The following ABCA9 variants were observed in gnomAD, a reference collection of about 807,000 sequenced individuals.
The protein encoded by ABCA9 is ATP binding cassette subfamily A member 9, also known as ATP-binding cassette sub-family A member 9.
A neutral mutation model predicts 205.3 loss-of-function variants in ABCA9; 183 were observed. The ratio of observed to expected loss-of-function variants is 0.89; its 90% CI spans 0.79 to 1.01. ABCA9 has a LOEUF of 1.01. Among genes scored for constraint, ABCA9 ranks in the 50% least tolerant of loss-of-function variants. The probability of loss-of-function intolerance (pLI) is 0.00; values close to 1 mark genes in which losing one functional copy is unlikely to be tolerated. For missense variants in ABCA9, 1,805 were observed against 1,912.4 expected, an observed-to-expected ratio of 0.94 and a Z score of 1.05; for synonymous variants, 651 against 683.3, an observed-to-expected ratio of 0.95 and a Z score of 0.74.
At chr17:68,991,477 C>T (rs1339452868) in intron 28 of ABCA9, among the ~76,000 whole-genome samples, 3 of 152,154 alleles carry the variant, frequency 2.0e-5, no homozygotes, top group Non-Finnish European at 4.4e-5. Context: ...CTGCTACAGA[C>T]TCGTTCTTGC....
intron 25 of ABCA9, among the ~76,000 whole-genome samples, chr17:68,996,331 A>G (rs888701187): frequency 6.6e-6 from 1 of 152,058 alleles, no homozygotes; most frequent in African/African-American, 2.4e-5. Context: ...TCTTTTTTTC[A>G]TTTCACAATA....
intron 37 of ABCA9, among the ~76,000 whole-genome samples, chr17:68,978,463 T>A (rs1273575026): frequency 2.0e-4 from 31 of 152,208 alleles, no homozygotes; most frequent in Admixed American, 2.0e-3. Flanking sequence ...ATTTAGCCCA[T>A]TTACATTTAA....
chr17:68,998,024 G>A (rs1454970643), intron 25 of ABCA9, among the ~76,000 whole-genome samples: 1 of 152,098 alleles, frequency 6.6e-6, no homozygotes, highest in East Asian at 1.9e-4. Context: ...TCATTTAGTT[G>A]TAATCATACA....
At chr17:68,998,860 T>C (rs1397561339) in intron 25 of ABCA9, among the ~76,000 whole-genome samples, 1 of 151,852 alleles carries the variant, frequency 6.6e-6, no homozygotes, top group Non-Finnish European at 1.5e-5. Context: ...AGATGTTTTA[T>C]CATTGTGACT....
At chr17:69,058,001 A>G (rs971515255) in intron 1 of ABCA9, among the ~76,000 whole-genome samples, 22 of 152,256 alleles carry the variant, frequency 1.4e-4, no homozygotes, top group African/African-American at 5.3e-4. Context: ...GGTGTCGTAT[A>G]TAAGGGAGAA....
intron 6 of ABCA9, among the ~76,000 whole-genome samples, chr17:69,040,445 A>G (rs543093829): frequency 9.2e-5 from 14 of 152,338 alleles, no homozygotes; most frequent in East Asian, 3.9e-4. Flanking sequence ...TCAGCAAACT[A>G]TCACAGGAAC....
intron 10 of ABCA9, among the ~76,000 whole-genome samples, chr17:69,030,104 A>G (rs976220848): frequency 6.6e-6 from 1 of 152,214 alleles, no homozygotes; most frequent in African/African-American, 2.4e-5. Context: ...GCCAGATCCA[A>G]AGCATTTTGT....
At chr17:69,058,902 C>T (rs1233771726) in intron 1 of ABCA9, among the ~76,000 whole-genome samples, 1 of 151,874 alleles carries the variant, frequency 6.6e-6, no homozygotes, top group Non-Finnish European at 1.5e-5. Context: ...AACTGACTCA[C>T]AGTTCTACAT....
rs541710062 is a variant in ABCA9, at chr17:69,036,597, C to T, written c.801-796G>A. ...AAACAAGCCAAAATATAAAGACCAA[C>T]GACACTATGAAGAAATTGCATCAAC... On this transcript the variant is annotated intron_variant, in intron 6 of 38. Transcript: ENST00000340001. Among the ~76,000 whole-genome samples, 57 of 151,980 alleles carry T rather than the reference C, an allele frequency of 3.8e-4. 1 individual carries two copies. The highest frequency in any genetic ancestry group is 2.7e-3 in the South Asian group (13 of 4,818).
At chr17:69,017,227 C>G (rs1453941058) in intron 21 of ABCA9, among the ~76,000 whole-genome samples, 2 of 151,954 alleles carry the variant, frequency 1.3e-5, no homozygotes, top group African/African-American at 2.4e-5. Flanking sequence ...TTCAATTTGC[C>G]TACTGTAGAG....
At chr17:68,986,409 T>C (rs945123875) in intron 31 of ABCA9, 85 bp from the exon 32 acceptor site, 3 of 1,304,574 alleles carry the variant, frequency 2.3e-6, no homozygotes, top group African/African-American at 1.5e-5. Context: ...AGAGATGCCC[T>C]TCTCTTCACA....
At chr17:68,993,274 G>A (rs1037019580) in intron 26 of ABCA9, among the ~76,000 whole-genome samples, 190 bp from the exon 27 acceptor site, 1 of 152,218 alleles carries the variant, frequency 6.6e-6, no homozygotes, top group African/African-American at 2.4e-5. Flanking sequence ...GTGTCTCTAG[G>A]CCGGGATGCC....
chr17:69,050,905 AAT>A (rs869088887), intron 2 of ABCA9, 124 bp downstream of exon 2: 53 of 759,176 alleles, frequency 7.0e-5, no homozygotes, highest in Non-Finnish European at 9.4e-5. Context: ...TTTGAAAAAA[AAT>A]CTAGCTTGTT....
At chr17:69,043,434 G>T in intron 6 of ABCA9, 55 bp downstream of exon 6, 1 of 1,419,204 alleles carries the variant, frequency 7.0e-7, no homozygotes, top group African/African-American at 1.4e-5. Context: ...GAGTCAACCA[G>T]CTAAGTTGTT....
At chr17:68,995,840 C>G in intron 26 of ABCA9, 55 bp downstream of exon 26, 1 of 1,601,808 alleles carries the variant, frequency 6.2e-7, no homozygotes, top group Non-Finnish European at 8.5e-7. Flanking sequence ...ATATTCATGG[C>G]TTTCTCAAAT....
At chr17:69,055,049 C>T (rs2072027618) in intron 1 of ABCA9, among the ~76,000 whole-genome samples, 1 of 151,804 alleles carries the variant, frequency 6.6e-6, no homozygotes. Flanking sequence ...TCAATTAAAA[C>T]CACAAAAGGC....
chr17:69,058,008 A>C (rs1157058232), intron 1 of ABCA9, among the ~76,000 whole-genome samples: 2 of 152,220 alleles, frequency 1.3e-5, no homozygotes, highest in Non-Finnish European at 2.9e-5. Flanking sequence ...TATATAAGGG[A>C]GAATAACAAC....
At chr17:69,061,254 A>C (rs2144560794), upstream of ABCA9, 1 of 682,714 alleles carries the variant, frequency 1.5e-6, no homozygotes, top group East Asian at 1.3e-4. Context: ...ACCCCAACAC[A>C]ATGATTTAAA....
At chr17:68,989,693 G>T in intron 30 of ABCA9, 120 bp downstream of exon 30, 1 of 615,572 alleles carries the variant, frequency 1.6e-6, no homozygotes. Flanking sequence ...TAAGCAGGAG[G>T]AGCAGGCTTA....
Sources: allele counts gnomAD v4.1 joint callset (sites outside exome capture counted in the v4.1 genomes callset), GRCh38; gene constraint gnomAD v4.1.1; transcripts MANE v1.5; gene names NCBI Gene and HGNC (gene_info 2026-07-23, HGNC 2026-07-21).